SPESP1: variants seen among roughly 807,000 people sequenced by gnomAD.
SPESP1 encodes equatorial segment protein.
In SPESP1, 1 loss-of-function variant was observed where a neutral mutation model predicts 3.1. The observed-to-expected ratio is 0.33, with a 90% CI of 0.12 to 1.54. The LOEUF is 1.54. Among genes scored for constraint, SPESP1 ranks in the 40% most tolerant of loss-of-function variants. The probability of loss-of-function intolerance (pLI) is 0.38; values close to 1 mark genes in which losing one functional copy is unlikely to be tolerated. For missense variants in SPESP1, 398 were observed against 410.1 expected, an observed-to-expected ratio of 0.97 and a Z score of 0.26; for synonymous variants, 138 against 150.7, an observed-to-expected ratio of 0.92 and a Z score of 0.62.
intron 1 of SPESP1, among the ~76,000 whole-genome samples, chr15:68,932,347 C>T (rs1895565419): frequency 1.3e-5 from 2 of 151,958 alleles, no homozygotes; most frequent in Admixed American, 1.3e-4. Context: ...CAGTCTCTTG[C>T]CTAACACCAT....
In SPESP1 at chr15:68,937,076, C is replaced by T. The variant is rs368199682; in HGVS notation, c.64+6359C>T. Among the ~76,000 whole-genome samples, 154 of 152,252 alleles carry T rather than the reference C, an allele frequency of 1.0e-3. 1 individual carries two copies. The highest frequency in any genetic ancestry group is 3.5e-3 in the African/African-American group (147 of 41,546). ...GGACAATTAGCCAGAAACTGCTCCC[C>T]ACACAATAGTTTTTAGACTAACAGA... is the stretch of plus-strand genomic sequence containing the variant. On this transcript the variant is annotated intron_variant, in intron 1 of 1. Transcript: ENST00000310673.
intron 1 of SPESP1, among the ~76,000 whole-genome samples, chr15:68,939,065 A>C (rs1895753139): frequency 6.6e-6 from 1 of 152,146 alleles, no homozygotes; most frequent in East Asian, 1.9e-4. Context: ...TTCCTGTACT[A>C]TTTCAAGAAG....
Position 68,945,736 on chromosome 15 carries a change from G to T in SPESP1, c.202G>T (p.Ala68Ser). Reference sequence around the variant, plus strand: ...CTCTCCAAAACATGTTTATTCTATAGCATCAAAGGGATCAAAATTTAAGGA... The same window carrying T: ...CTCTCCAAAACATGTTTATTCTATATCATCAAAGGGATCAAAATTTAAGGA... ...SNSPKHVYSI[A>S]SKGSKFKELV... Residue 68 changes from alanine (A) to serine (S), a missense_variant, in exon 2 of 2, where the codon GCA becomes TCA. Physicochemically the swap from Ala to Ser is moderately conservative, Grantham distance 99 (BLOSUM62 1). Coordinates refer to ENST00000310673, the MANE Select transcript of SPESP1 (RefSeq NM_145658.4). 3 of 1,614,024 alleles carry T rather than the reference G, an allele frequency of 1.9e-6. No individual in the cohort carries two copies. Among genetic ancestry groups the T allele is most frequent in the Non-Finnish European group, 2.5e-6 (3 of 1,179,994 alleles).
intron 1 of SPESP1, among the ~76,000 whole-genome samples, chr15:68,935,628 CA>C (rs1895662974): frequency 6.6e-6 from 1 of 152,230 alleles, no homozygotes; most frequent in African/African-American, 2.4e-5. Flanking sequence ...TATCCAATGT[CA>C]GAAGACACTA....
At chr15:68,940,793 G>A (rs544085729) in intron 1 of SPESP1, among the ~76,000 whole-genome samples, 1 of 150,428 alleles carries the variant, frequency 6.6e-6, no homozygotes, top group African/African-American at 2.4e-5. Context: ...TTCATAGGTG[G>A]TGTTGTGTTC....
At position 68,946,523 on chromosome 15, in the gene SPESP1, T is replaced by C. The variant is rs769157914; in HGVS notation, c.989T>C (p.Val330Ala). The C allele has an allele frequency of 6.3e-7, 1 of 1,592,092 alleles. No homozygotes were observed. Among genetic ancestry groups the C allele is most frequent in the Non-Finnish European group, 8.5e-7 (1 of 1,174,062 alleles). ...PPEMREKAAT[V>A]FNTLKNMCRS... ...GAGATGAGAGAAAAAGCTGCTACAGTATTCAATACATTAAAAAATATGTGT... is the reference window on the plus strand; with the variant it reads ...GAGATGAGAGAAAAAGCTGCTACAGCATTCAATACATTAAAAAATATGTGT... The change falls in exon 2 of 2, where the codon GTA becomes GCA. Residue 330 changes from valine to alanine, a missense_variant. Transcript: ENST00000310673.
Position 68,930,689 on chromosome 15 carries a change from A to G in SPESP1, c.36A>G (p.Leu12=), listed in dbSNP as rs371346798. The G allele has an allele frequency of 1.1e-5, 17 of 1,613,826 alleles. No homozygotes were observed. The highest frequency in any genetic ancestry group is 4.0e-5 in the African/African-American group (3 of 74,898). Residue 12 remains leucine (L), a synonymous_variant, in exon 1 of 2, where the codon CTA becomes CTG. Coordinates refer to ENST00000310673, the MANE Select transcript of SPESP1 (RefSeq NM_145658.4). ...TAGTCCTTCTAGTTGCGCTTTTGCT[A>G]TGGCCTTCGTCTGTGCCGGCTTATC... ...KPLVLLVALL[L]WPSSVPAYPS...
chr15:68,939,465 G>C (rs935512387), intron 1 of SPESP1, among the ~76,000 whole-genome samples: 3 of 152,186 alleles, frequency 2.0e-5, no homozygotes, highest in Admixed American at 2.0e-4. Flanking sequence ...GACAGTTGAG[G>C]CTCCACTATC....
chr15:68,945,887 G>A lies in SPESP1; in HGVS notation c.353G>A (p.Ser118Asn). ...ATAGGAAAGAAAAAACACACGGAAAGTACCCCATTCTGGTCGATCAAACCA... is the reference window on the plus strand; with the variant it reads ...ATAGGAAAGAAAAAACACACGGAAAATACCCCATTCTGGTCGATCAAACCA... ...PEIGKKKHTE[S>N]TPFWSIKPNN... The change falls in exon 2 of 2, where the codon AGT (serine) becomes AAT (asparagine). Residue 118 changes from serine to asparagine, a missense_variant. By Grantham distance (46) the Ser-to-Asn change is conservative. Coordinates refer to ENST00000310673, the MANE Select transcript of SPESP1 (RefSeq NM_145658.4). 6.2e-7 allele frequency: 1 copy of A among 1,614,078 alleles called. No individual in the cohort carries two copies. The highest frequency in any genetic ancestry group is 8.5e-7 in the Non-Finnish European group (1 of 1,180,018).
Position 68,944,911 on chromosome 15 carries a change from A to G in SPESP1, c.65-688A>G, listed in dbSNP as rs534188668. ...GAGAGAGGAGGAAACTCTGATTTGT[A>G]GCATTTGCTCATTTACATGGCGTAG... On this transcript the variant is annotated intron_variant, in intron 1 of 1. Coordinates refer to ENST00000310673, the MANE Select transcript of SPESP1 (RefSeq NM_145658.4). Among the ~76,000 whole-genome samples the G allele has an allele frequency of 2.0e-5, 3 of 152,298 alleles. No homozygotes were observed. The South Asian group carries it at 6.2e-4, about 32-fold the overall frequency.
Position 68,946,522 on chromosome 15 carries a change from G to A in SPESP1, c.988G>A (p.Val330Ile). The change falls in exon 2 of 2, where the codon GTA becomes ATA. Residue 330 changes from valine to isoleucine, a missense_variant. Val to Ile is a conservative substitution (Grantham distance 29). Transcript: ENST00000310673. Reference protein sequence around the residue: ...PPEMREKAATVFNTLKNMCRS... With the variant: ...PPEMREKAATIFNTLKNMCRS... ...AGAGATGAGAGAAAAAGCTGCTACA[G>A]TATTCAATACATTAAAAAATATGTG... The A allele has an allele frequency of 6.2e-7, 1 of 1,603,550 alleles. No homozygotes were observed. Among genetic ancestry groups the A allele is most frequent in the Non-Finnish European group, 8.5e-7 (1 of 1,177,504 alleles).
chr15:68,936,667 C>A (rs1895689895), intron 1 of SPESP1, among the ~76,000 whole-genome samples: 1 of 152,062 alleles, frequency 6.6e-6, no homozygotes, highest in Non-Finnish European at 1.5e-5. Context: ...CATTGAATTT[C>A]ATACTTTAAG....
intron 1 of SPESP1, among the ~76,000 whole-genome samples, chr15:68,943,095 GTGTA>G (rs1325522715): frequency 1.3e-5 from 2 of 151,822 alleles, no homozygotes; most frequent in African/African-American, 2.4e-5. Context: ...GTGTGTGTGT[GTGTA>G]TGTGTGTGTG....
intron 1 of SPESP1, among the ~76,000 whole-genome samples, chr15:68,933,101 A>G (rs530811430): frequency 1.3e-5 from 2 of 152,344 alleles, no homozygotes; most frequent in East Asian, 1.9e-4. Flanking sequence ...GATAAGGTAC[A>G]TAGGTTTTTA....
chr15:68,931,773 TA>T (rs1320860098), intron 1 of SPESP1, among the ~76,000 whole-genome samples: 1 of 152,218 alleles, frequency 6.6e-6, no homozygotes, highest in Non-Finnish European at 1.5e-5. Flanking sequence ...ACTTAGTATT[TA>T]AGTCAGGTAG....
At chr15:68,937,142 T>C (rs1019248499) in intron 1 of SPESP1, among the ~76,000 whole-genome samples, 1 of 152,208 alleles carries the variant, frequency 6.6e-6, no homozygotes, top group Admixed American at 6.5e-5. Context: ...TTTCTTCCTC[T>C]GTATTCTTCT....
intron 1 of SPESP1, among the ~76,000 whole-genome samples, chr15:68,944,859 T>C (rs1474009550): frequency 6.6e-6 from 1 of 152,184 alleles, no homozygotes; most frequent in Non-Finnish European, 1.5e-5. Flanking sequence ...AGTAGTATAC[T>C]GGTAAATATT....
In SPESP1 at chr15:68,945,879, C is replaced by G. The variant is rs377240300; in HGVS notation, c.345C>G (p.His115Gln). 6.2e-7 allele frequency: 1 copy of G among 1,614,096 alleles called. No homozygotes were observed. Among genetic ancestry groups the G allele is most frequent in the Non-Finnish European group, 8.5e-7 (1 of 1,180,012 alleles). ...GFTPEIGKKKHTESTPFWSIK... is the reference protein window; with the variant it reads ...GFTPEIGKKKQTESTPFWSIK... ...CACCGGAAATAGGAAAGAAAAAACACACGGAAAGTACCCCATTCTGGTCGA... is the reference window on the plus strand; with the variant it reads ...CACCGGAAATAGGAAAGAAAAAACAGACGGAAAGTACCCCATTCTGGTCGA... Residue 115 changes from histidine to glutamine, a missense_variant, in exon 2 of 2, where the codon CAC becomes CAG. Transcript: ENST00000310673.
intron 1 of SPESP1, among the ~76,000 whole-genome samples, chr15:68,943,532 GC>G (rs1417208281): frequency 1.5e-4 from 23 of 152,004 alleles, no homozygotes; most frequent in Admixed American, 1.4e-3. Flanking sequence ...TCATTGATCA[GC>G]ATCTGTTTTT....
Sources: allele counts gnomAD v4.1 joint callset (sites outside exome capture counted in the v4.1 genomes callset), GRCh38; gene constraint gnomAD v4.1.1; transcripts MANE v1.5; gene names NCBI Gene and HGNC (gene_info 2026-07-23, HGNC 2026-07-21).